Variants in DGKI observed in about 807,000 individuals in gnomAD.
The protein encoded by DGKI is DAG kinase iota.
In DGKI, 55 loss-of-function variants were observed where a neutral mutation model predicts 147.5. The ratio of observed to expected loss-of-function variants is 0.37; its 90% CI spans 0.30 to 0.47. DGKI has a LOEUF of 0.47. DGKI is among the 20% of genes least tolerant of loss of function. The pLI is 1.00. For synonymous variants in DGKI, 469 were observed against 477.1 expected, an observed-to-expected ratio of 0.98 and a Z score of 0.22; for missense variants, 1,007 against 1,323.8, an observed-to-expected ratio of 0.76 and a Z score of 3.71.
intron 1 of DGKI, among the ~76,000 whole-genome samples, chr7:137,807,149 A>G (rs1797402893): frequency 6.6e-6 from 1 of 152,194 alleles, no homozygotes; most frequent in African/African-American, 2.4e-5. Context: ...ATCTGTGAAG[A>G]CCCAAAATAT....
intron 1 of DGKI, among the ~76,000 whole-genome samples, chr7:137,784,813 C>T (rs941036978): frequency 2.0e-5 from 3 of 151,868 alleles, no homozygotes; most frequent in Non-Finnish European, 4.4e-5. Flanking sequence ...AAATCAACTC[C>T]AAAAGAACCC....
intron 10 of DGKI, among the ~76,000 whole-genome samples, chr7:137,603,711 T>G (rs1345932916): frequency 6.6e-6 from 1 of 152,160 alleles, no homozygotes; most frequent in Non-Finnish European, 1.5e-5. Flanking sequence ...CTGAAATGTG[T>G]CTTGAAAAAT....
intron 17 of DGKI, among the ~76,000 whole-genome samples, chr7:137,573,245 T>C (rs996042440): frequency 2.6e-5 from 4 of 152,216 alleles, no homozygotes; most frequent in East Asian, 1.9e-4. Context: ...ACCACCATCA[T>C]TATCTGATTC....
chr7:137,842,596 T>C (rs191933686), intron 1 of DGKI, among the ~76,000 whole-genome samples: 1 of 152,222 alleles, frequency 6.6e-6, no homozygotes, highest in Admixed American at 6.5e-5. Flanking sequence ...CCCAAAGAGG[T>C]ACCGATGGGC....
chr7:137,478,683 A>T (rs1244977224), intron 23 of DGKI, among the ~76,000 whole-genome samples: 1 of 152,154 alleles, frequency 6.6e-6, no homozygotes, highest in Non-Finnish European at 1.5e-5. Flanking sequence ...TGCAATGTGG[A>T]CCGTGAATTA....
chr7:137,770,485 G>GA (rs901817064), intron 1 of DGKI, among the ~76,000 whole-genome samples: 8 of 145,648 alleles, frequency 5.5e-5, no homozygotes, highest in East Asian at 2.0e-4. Flanking sequence ...AAGTAAAACA[G>GA]AAAAAAAAAG....
intron 1 of DGKI, among the ~76,000 whole-genome samples, chr7:137,776,228 ATG>A (rs1796357129): frequency 6.6e-6 from 1 of 152,226 alleles, no homozygotes; most frequent in Non-Finnish European, 1.5e-5. Flanking sequence ...GAATAGATTG[ATG>A]TGTTTCCCTG....
At chr7:137,492,963 C>G (rs1386839285) in intron 21 of DGKI, among the ~76,000 whole-genome samples, 1 of 152,188 alleles carries the variant, frequency 6.6e-6, no homozygotes, top group Admixed American at 6.5e-5. Context: ...CCCGCACCCT[C>G]CCACCACTGC....
At chr7:137,718,195 C>T (rs1463436696) in intron 1 of DGKI, among the ~76,000 whole-genome samples, 2 of 152,178 alleles carry the variant, frequency 1.3e-5, no homozygotes, top group Admixed American at 1.3e-4. Context: ...TGTCGGACAG[C>T]ATGTGGGAGG....
chr7:137,799,270 T>C (rs1167194159), intron 1 of DGKI, among the ~76,000 whole-genome samples: 1 of 152,182 alleles, frequency 6.6e-6, no homozygotes, highest in Non-Finnish European at 1.5e-5. Flanking sequence ...AACTTACATT[T>C]GCATAATTCC....
intron 21 of DGKI, among the ~76,000 whole-genome samples, chr7:137,517,188 A>AAAAAG (rs900401966): frequency 1.4e-4 from 21 of 150,624 alleles, no homozygotes; most frequent in Admixed American, 1.0e-3. Flanking sequence ...AGGTCATAAG[A>AAAAAG]AAAAGAAAAG....
At chr7:137,811,345 TTC>T (rs1172653415) in intron 1 of DGKI, among the ~76,000 whole-genome samples, 6 of 71,868 alleles carry the variant, frequency 8.3e-5, no homozygotes, top group Admixed American at 3.8e-4. Flanking sequence ...CTGTCTCTCT[TTC>T]TCTCTCTCTC....
intron 11 of DGKI, 88 bp downstream of exon 11, chr7:137,599,735 A>G (rs1819921018): frequency 8.4e-7 from 1 of 1,183,460 alleles, no homozygotes. Flanking sequence ...TGGTCAGGAT[A>G]TACCTCACAA....
chr7:137,575,289 G>T (rs1203374132), intron 17 of DGKI, among the ~76,000 whole-genome samples: 1 of 152,082 alleles, frequency 6.6e-6, no homozygotes, highest in Non-Finnish European at 1.5e-5. Context: ...TATATAGGCT[G>T]ATATCACATC....
intron 26 of DGKI, among the ~76,000 whole-genome samples, chr7:137,464,544 T>C (rs1814579869): frequency 6.6e-6 from 1 of 152,156 alleles, no homozygotes; most frequent in Non-Finnish European, 1.5e-5. Flanking sequence ...TTACCCCTTG[T>C]GCCTGTCGGC....
intron 1 of DGKI, among the ~76,000 whole-genome samples, chr7:137,738,433 T>C (rs575693988): frequency 2.6e-5 from 4 of 152,302 alleles, no homozygotes; most frequent in Non-Finnish European, 4.4e-5. Flanking sequence ...CACTGTAAGA[T>C]AGGGCTATTT....
intron 1 of DGKI, among the ~76,000 whole-genome samples, chr7:137,757,195 C>T (rs1289366643): frequency 1.3e-5 from 2 of 151,934 alleles, no homozygotes; most frequent in African/African-American, 2.4e-5. Flanking sequence ...CCTGGGTCAT[C>T]GGGCTTCCCC....
At chr7:137,518,768 AT>A (rs1816864561) in intron 21 of DGKI, among the ~76,000 whole-genome samples, 1 of 152,074 alleles carries the variant, frequency 6.6e-6, no homozygotes, top group African/African-American at 2.4e-5. Context: ...TTTTTAAAAA[AT>A]ATATCATGTG....
chr7:137,683,813 T>C (rs182751830), intron 2 of DGKI, among the ~76,000 whole-genome samples: 1 of 150,212 alleles, frequency 6.7e-6, no homozygotes, highest in African/African-American at 2.4e-5. Flanking sequence ...CATTGATAGA[T>C]TTACATCGAT....
Sources: allele counts gnomAD v4.1 joint callset (sites outside exome capture counted in the v4.1 genomes callset), GRCh38; gene constraint gnomAD v4.1.1; transcripts MANE v1.5; gene names NCBI Gene and HGNC (gene_info 2026-07-23, HGNC 2026-07-21).